FAM149A: variants seen among roughly 807,000 people sequenced by gnomAD.
FAM149A encodes protein FAM149A.
In FAM149A, 71 loss-of-function variants were observed where a neutral mutation model predicts 78.2. The observed-to-expected ratio is 0.91, with a 90% CI of 0.75 to 1.11. The LOEUF (loss-of-function observed/expected upper bound fraction) is 1.11. Among genes scored for constraint, FAM149A ranks in the 50% least tolerant of loss-of-function variants. The pLI, the probability that FAM149A is intolerant of heterozygous loss-of-function variation, is 0.00. For synonymous variants in FAM149A, 446 were observed against 410.5 expected, an observed-to-expected ratio of 1.09 and a Z score of -1.04; for missense variants, 1,036 against 971.0, an observed-to-expected ratio of 1.07 and a Z score of -0.89.
chr4:186,136,982 C>CTT (rs1561396440), intron 1 of FAM149A, among the ~76,000 whole-genome samples: 12 of 120,346 alleles, frequency 1.0e-4, no homozygotes, highest in African/African-American at 2.9e-4. Context: ...CTCTTTCTCT[C>CTT]TCTCTCTCTC....
Position 186,154,481 on chromosome 4 carries a change from G to A in FAM149A, c.1072G>A (p.Gly358Ser), listed in dbSNP as rs1383051469. 4 of 1,609,258 alleles carry A rather than the reference G, an allele frequency of 2.5e-6. No individual in the cohort carries two copies. In the Admixed American group the frequency reaches 5.1e-5, roughly 20 times the overall value. ...TTTTTCCCATAGGTTGTGCATTTCTGGCTCTCAAATAGTCCCAGCAGCACT... is the reference window on the plus strand; with the variant it reads ...TTTTTCCCATAGGTTGTGCATTTCTAGCTCTCAAATAGTCCCAGCAGCACT... The change falls in exon 6 of 14, where the codon GGC (glycine) becomes AGC (serine). Residue 358 changes from glycine (G) to serine (S), a missense_variant. Physicochemically the swap from Gly to Ser is moderately conservative, Grantham distance 56. Around this residue, in one of 3 missense-constraint regions of FAM149A, gnomAD observed 716 missense variants for 711.8 expected, o/e 1.01. Coordinates refer to ENST00000389354, the MANE Select transcript of FAM149A (RefSeq NM_001367768.3).
chr4:186,120,848 CTTTTTTTT>C (rs374357159), intron 1 of FAM149A, among the ~76,000 whole-genome samples: 1 of 90,208 alleles, frequency 1.1e-5, no homozygotes, highest in Non-Finnish European at 1.9e-5. Flanking sequence ...AAATAATATT[CTTTTTTTT>C]TTTTTTTTTT....
chr4:186,145,220 G>C, intron 1 of FAM149A: 1 of 886,936 alleles, frequency 1.1e-6, no homozygotes, highest in Non-Finnish European at 1.4e-6. Flanking sequence ...TTCCCTGCAG[G>C]CACTCGGGAA....
rs190877499 is a variant in FAM149A at position 186,154,275 on chromosome 4, C to T, written c.1059-193C>T. Among the ~76,000 whole-genome samples, 185 of 152,200 alleles carry T rather than the reference C, an allele frequency of 1.2e-3. 1 individual carries two copies. The highest frequency in any genetic ancestry group is 4.3e-3 in the African/African-American group (179 of 41,522). On this transcript the variant is annotated intron_variant, in intron 5 of 13. Transcript: ENST00000389354. Reference sequence around the variant, plus strand: ...AGAATAATTTAGGCTTTTAAGAAGCCCTTAAAATGTTTAATGATGCCTGTA... The same window carrying T: ...AGAATAATTTAGGCTTTTAAGAAGCTCTTAAAATGTTTAATGATGCCTGTA...
At chr4:186,108,697 C>A (rs1344484389) in intron 1 of FAM149A, among the ~76,000 whole-genome samples, 1 of 151,962 alleles carries the variant, frequency 6.6e-6, no homozygotes, top group Admixed American at 6.6e-5. Flanking sequence ...TGATCCAACA[C>A]CTTTGATCTT....
At chr4:186,150,413 CTTT>C (rs750482571) in intron 3 of FAM149A, among the ~76,000 whole-genome samples, 5 of 84,288 alleles carry the variant, frequency 5.9e-5, no homozygotes, top group African/African-American at 2.4e-4. Context: ...CTCTCTGTCT[CTTT>C]TTTTTTTTTT....
chr4:186,105,197 G>T lies in FAM149A; in HGVS notation c.121G>T (p.Gly41Cys), dbSNP rs1163563914. ...AGGTGCTGCCGCTGCAGGGTCGGGG[G>T]GCTCCAGGGCGGGCACCCCGTTGGG... The change falls in exon 1 of 14, where the codon GGC becomes TGC. Residue 41 changes from glycine (G) to cysteine (C), a missense_variant. Physicochemically the swap from Gly to Cys is radical, Grantham distance 159 (BLOSUM62 -3). Around this residue, in one of 3 missense-constraint regions of FAM149A, gnomAD observed 316 missense variants for 241.9 expected, o/e 1.31. Transcript: ENST00000389354. 4.6e-5 allele frequency: 59 copies of T among 1,271,258 alleles called. No individual in the cohort carries two copies. Among genetic ancestry groups the T allele is most frequent in the Non-Finnish European group, 5.4e-5 (53 of 981,212 alleles). 78.7% of individuals were successfully genotyped at this position (1,271,258 alleles called of 1,614,324 possible).
At position 186,120,519 on chromosome 4, in the gene FAM149A, C is replaced by T. The variant is rs529345405; in HGVS notation, c.566+14877C>T. 1.8e-3 allele frequency among the ~76,000 whole-genome samples: 280 copies of T among 152,060 alleles called. 2 individuals carry two copies. Among genetic ancestry groups the T allele is most frequent in the African/African-American group, 6.2e-3 (258 of 41,488 alleles). ...TAAAAATCACGTTAGTAAGACCGGG[C>T]GCGGTGGCTCACACCTGTAATCCCA... is the stretch of plus-strand genomic sequence containing the variant. On this transcript the variant is annotated intron_variant, in intron 1 of 13. Coordinates refer to ENST00000389354, the MANE Select transcript of FAM149A (RefSeq NM_001367768.3).
chr4:186,146,727 G>A, intron 1 of FAM149A: 7 of 925,792 alleles, frequency 7.6e-6, no homozygotes, highest in Non-Finnish European at 9.0e-6. Flanking sequence ...GCTGCCCAAA[G>A]AAGAGCTGTG....
chr4:186,161,003 T>TGG, intron 8 of FAM149A: 1 of 334,302 alleles, frequency 3.0e-6, no homozygotes, highest in Admixed American at 6.5e-5. Context: ...GTGTCTGGTG[T>TGG]AGAGTGGACG....
chr4:186,144,976 G>T lies in FAM149A; in HGVS notation c.567-4197G>T. The T allele has an allele frequency of 1.0e-6, 1 of 977,604 alleles. No individual in the cohort carries two copies. The highest frequency in any genetic ancestry group is 1.2e-6 in the Non-Finnish European group (1 of 826,100). The allele number at this position is 977,604 out of a possible 1,614,324, so 60.6% of individuals were successfully genotyped here. ...GGGCGCGGGCGGGTGGGGAGCCCCA[G>T]CCCCGGGGCCGCGGGGGCGCGTGAC... On this transcript the variant is annotated intron_variant, in intron 1 of 13. Coordinates refer to ENST00000389354, the MANE Select transcript of FAM149A (RefSeq NM_001367768.3). The surrounding 1 kb of genome is among the most constrained non-coding windows in gnomAD (Gnocchi z 4.2).
At chr4:186,156,967 A>G (rs1031075941) in intron 7 of FAM149A, among the ~76,000 whole-genome samples, 11 of 152,120 alleles carry the variant, frequency 7.2e-5, no homozygotes, top group Non-Finnish European at 1.3e-4. Context: ...TCCCCCAAAA[A>G]TAGCAGTGCA....
At chr4:186,169,845 C>T (rs938674827) in intron 13 of FAM149A, 1 of 985,314 alleles carries the variant, frequency 1.0e-6, no homozygotes, top group African/African-American at 1.7e-5. Flanking sequence ...GCCTCACTGC[C>T]TCTTAACTAC....
rs148917467 is a variant in FAM149A at position 186,167,103 on chromosome 4, T to G, written c.2139+7T>G. ...CACAACCCACACGTTCCGGGTGGGT[T>G]CTCTGTTTCCTGTAACTTTAATTTT... On this transcript the variant is annotated splice_region_variant and intron_variant, in intron 12 of 13. Coordinates refer to ENST00000389354, the MANE Select transcript of FAM149A (RefSeq NM_001367768.3). 5.0e-4 allele frequency: 798 copies of G among 1,610,312 alleles called. 6 individuals carry two copies. The African/African-American group carries it at 8.8e-3, about 18-fold the overall frequency.
At chr4:186,134,773 C>T (rs1346678871) in intron 1 of FAM149A, among the ~76,000 whole-genome samples, 3 of 144,576 alleles carry the variant, frequency 2.1e-5, no homozygotes, top group Non-Finnish European at 4.5e-5. Flanking sequence ...TGGTCCCTGG[C>T]CTTCACCAAG....
In FAM149A at chr4:186,109,756, A is replaced by G. The variant is rs1050907051; in HGVS notation, c.566+4114A>G. The G allele has an allele frequency of 3.1e-6, 3 of 982,018 alleles. No individual in the cohort carries two copies. In the African/African-American group the frequency reaches 5.2e-5, roughly 17 times the overall value. 60.8% of individuals were successfully genotyped at this position (982,018 alleles called of 1,614,324 possible). On this transcript the variant is annotated intron_variant, in intron 1 of 13. Transcript: ENST00000389354. ...ATTGAAAGAAACATTCTAGGTGAAG[A>G]AAAAACAGAGAAAAATGATTCATTA... is the stretch of plus-strand genomic sequence containing the variant.
chr4:186,128,690 G>C (rs1459891821), intron 1 of FAM149A, among the ~76,000 whole-genome samples: 1 of 152,162 alleles, frequency 6.6e-6, no homozygotes, highest in Non-Finnish European at 1.5e-5. Flanking sequence ...TAGAATTAGA[G>C]TGTTCACCTT....
chr4:186,123,145 A>T, intron 1 of FAM149A: 1 of 792,108 alleles, frequency 1.3e-6, no homozygotes, highest in Non-Finnish European at 1.5e-6. Flanking sequence ...TCTGATGTGG[A>T]GTCCAGTGTT....
Position 186,154,534 on chromosome 4 carries a change from T to A in FAM149A, c.1125T>A (p.Asp375Glu). The stretch of plus-strand genomic sequence containing the variant: ...CAGCCTCTGCCCTGCCAGGCCCTGA[T>A]GACACAGGGGTTGCTGACCTAACGG... The change falls in exon 6 of 14, where the codon GAT becomes GAA. Residue 375 changes from aspartate (D) to glutamate (E), a missense_variant. Physicochemically the swap from Asp to Glu is conservative, Grantham distance 45 (BLOSUM62 2). Coordinates refer to ENST00000389354, the MANE Select transcript of FAM149A (RefSeq NM_001367768.3). 1 of 1,614,038 alleles carries A rather than the reference T, an allele frequency of 6.2e-7. No homozygotes were observed. The highest frequency in any genetic ancestry group is 8.5e-7 in the Non-Finnish European group (1 of 1,179,904).
Sources: allele counts gnomAD v4.1 joint callset (sites outside exome capture counted in the v4.1 genomes callset), GRCh38; gene constraint gnomAD v4.1.1; regional missense constraint gnomAD v4.1.1; non-coding constraint Gnocchi (gnomAD v3.1); transcripts MANE v1.5; gene names NCBI Gene and HGNC (gene_info 2026-07-23, HGNC 2026-07-21).